Variants in PPARGC1A observed in about 807,000 individuals in gnomAD.
The protein encoded by PPARGC1A is peroxisome proliferator-activated receptor gamma coactivator 1-alpha.
PPARGC1A carries 25 observed loss-of-function variants against 88.7 expected under a neutral mutation model. That is an observed-to-expected ratio of 0.28 (90% CI 0.21 to 0.39). The LOEUF (loss-of-function observed/expected upper bound fraction) is 0.39, where lower values mean the gene tolerates loss of function less well. Ranked by LOEUF, PPARGC1A falls within the 10% of genes least tolerant of loss-of-function variation. The probability of loss-of-function intolerance (pLI) is 1.00; values close to 1 mark genes in which losing one functional copy is unlikely to be tolerated. For synonymous variants in PPARGC1A, 363 were observed against 355.6 expected (o/e 1.02, Z -0.24); for missense variants, 880 against 968.7 (o/e 0.91, Z 1.22).
chr4:24,353,309 C>T, the PPARGC1A span, among the ~76,000 whole-genome samples: 5 of 150,402 alleles, frequency 3.3e-5, no homozygotes, highest in Non-Finnish European at 5.9e-5. Flanking sequence ...TCAGGGAAGC[C>T]GAGCATAGAA....
chr4:24,134,153 G>A, the PPARGC1A span, among the ~76,000 whole-genome samples: 15 of 152,256 alleles, frequency 9.9e-5, no homozygotes, highest in Admixed American at 4.6e-4. Flanking sequence ...CATTCCTTCC[G>A]ATACCTTTGC....
the PPARGC1A span, among the ~76,000 whole-genome samples, chr4:24,398,671 A>C: frequency 6.6e-6 from 1 of 152,206 alleles, no homozygotes; most frequent in East Asian, 1.9e-4. Context: ...AGATGACTAC[A>C]TTCTTCATGT....
At chr4:24,412,455 C>T in the PPARGC1A span, among the ~76,000 whole-genome samples, 2 of 151,960 alleles carry the variant, frequency 1.3e-5, no homozygotes, top group East Asian at 3.9e-4. Flanking sequence ...ATTCAAATTC[C>T]ATTGTTGGTA....
the PPARGC1A span, among the ~76,000 whole-genome samples, chr4:24,454,014 A>G: frequency 7.2e-5 from 11 of 152,132 alleles, no homozygotes; most frequent in African/African-American, 2.7e-4. Flanking sequence ...GACGCCTTGC[A>G]AGCTTCTTCT....
the PPARGC1A span, among the ~76,000 whole-genome samples, chr4:24,222,031 G>T: frequency 6.6e-6 from 1 of 152,140 alleles, no homozygotes; most frequent in Admixed American, 6.5e-5. Flanking sequence ...ACACTGGGGG[G>T]AAGGTAAAGG....
the PPARGC1A span, among the ~76,000 whole-genome samples, chr4:23,917,430 T>C: frequency 6.6e-6 from 1 of 151,410 alleles, no homozygotes; most frequent in African/African-American, 2.4e-5. Flanking sequence ...GCTGTGCCAT[T>C]CTCCTGCCTC....
the PPARGC1A span, among the ~76,000 whole-genome samples, chr4:24,084,737 C>T: frequency 6.6e-6 from 1 of 151,850 alleles, no homozygotes; most frequent in African/African-American, 2.4e-5. Flanking sequence ...CTCCTTGATT[C>T]AACAAATGAA....
At chr4:23,890,068 T>G, upstream of PPARGC1A, 3 of 1,547,588 alleles carry the variant, frequency 1.9e-6, no homozygotes, top group Non-Finnish European at 2.6e-6. Context: ...TGAAGGCACC[T>G]GTCTTACTAC....
At chr4:24,055,259 C>A in the PPARGC1A span, among the ~76,000 whole-genome samples, 1 of 152,180 alleles carries the variant, frequency 6.6e-6, no homozygotes, top group Non-Finnish European at 1.5e-5. Context: ...GCTCCCACAT[C>A]CTTGGGGACT....
the PPARGC1A span, among the ~76,000 whole-genome samples, chr4:24,216,472 C>CT: frequency 6.6e-6 from 1 of 152,152 alleles, no homozygotes; most frequent in African/African-American, 2.4e-5. Flanking sequence ...CTTCTTAAAA[C>CT]CTGGTGTATT....
At chr4:24,001,335 G>C in the PPARGC1A span, among the ~76,000 whole-genome samples, 1 of 152,146 alleles carries the variant, frequency 6.6e-6, no homozygotes, top group South Asian at 2.1e-4. Context: ...AATCTGTGTA[G>C]CACCTTGAGT....
chr4:23,896,361 A>G (rs1414635156), intron 1 of PPARGC1A, among the ~76,000 whole-genome samples: 1 of 152,204 alleles, frequency 6.6e-6, no homozygotes, highest in African/African-American at 2.4e-5. Context: ...CCTGCTTAAC[A>G]TACTGGGAAT....
At chr4:24,253,455 T>C in the PPARGC1A span, among the ~76,000 whole-genome samples, 1 of 152,220 alleles carries the variant, frequency 6.6e-6, no homozygotes, top group Admixed American at 6.5e-5. Context: ...TGGCAAAGTA[T>C]TAGCTATTGA....
chr4:24,077,826 A>G, the PPARGC1A span, among the ~76,000 whole-genome samples: 21 of 151,872 alleles, frequency 1.4e-4, no homozygotes, highest in Non-Finnish European at 2.9e-4. Flanking sequence ...GTGGATTTAG[A>G]TGTTGGACTT....
upstream of PPARGC1A, among the ~76,000 whole-genome samples, chr4:23,893,490 TA>T (rs1325661252): frequency 6.6e-6 from 1 of 152,188 alleles, no homozygotes; most frequent in Non-Finnish European, 1.5e-5. Context: ...TATAAGTTTT[TA>T]TTTTAATAAA....
chr4:24,169,368 TA>T, the PPARGC1A span, among the ~76,000 whole-genome samples: 1 of 152,022 alleles, frequency 6.6e-6, no homozygotes, highest in Admixed American at 6.6e-5. Flanking sequence ...ATGTGAGGTA[TA>T]AAAACCAGAA....
chr4:24,190,936 C>T, the PPARGC1A span, among the ~76,000 whole-genome samples: 1 of 98,836 alleles, frequency 1.0e-5, no homozygotes, highest in Non-Finnish European at 2.3e-5. Context: ...AGAAAGAAGG[C>T]TCCTGCAGGG....
the PPARGC1A span, among the ~76,000 whole-genome samples, chr4:24,083,182 C>T: frequency 6.6e-6 from 1 of 152,112 alleles, no homozygotes; most frequent in Admixed American, 6.5e-5. Flanking sequence ...TAGATTCTGG[C>T]TTCCAGGGAT....
At chr4:24,303,624 C>A in the PPARGC1A span, among the ~76,000 whole-genome samples, 2 of 152,170 alleles carry the variant, frequency 1.3e-5, no homozygotes, top group Admixed American at 1.3e-4. Flanking sequence ...TCCATGTCAA[C>A]AGAATAAATC....
Sources: allele counts gnomAD v4.1 joint callset (sites outside exome capture counted in the v4.1 genomes callset), GRCh38; gene constraint gnomAD v4.1.1; transcripts MANE v1.5; gene names NCBI Gene and HGNC (gene_info 2026-07-23, HGNC 2026-07-21).